Variants in MYO16 observed in about 807,000 individuals in gnomAD.
The protein encoded by MYO16 is unconventional myosin-XVI.
A neutral mutation model predicts 205.3 loss-of-function variants in MYO16; 94 were observed. That is an observed-to-expected ratio of 0.46 (90% CI 0.39 to 0.54). The LOEUF is 0.54. Among genes scored for constraint, MYO16 ranks in the 20% least tolerant of loss-of-function variants. The pLI, the probability that MYO16 is intolerant of heterozygous loss-of-function variation, is 0.00. For missense variants in MYO16, 2,315 were observed against 2,387.5 expected (o/e 0.97, Z 0.63); for synonymous variants, 988 against 954.0 (o/e 1.04, Z -0.66).
chr13:108,762,027 C>G (rs1212640946), intron 4 of MYO16, among the ~76,000 whole-genome samples: 1 of 152,140 alleles, frequency 6.6e-6, no homozygotes, highest in Non-Finnish European at 1.5e-5. Context: ...CCTCCAATGT[C>G]TATCATTCTG....
In MYO16 at chr13:109,141,158, G is replaced by A. The variant is rs551909025; in HGVS notation, c.4946G>A (p.Gly1649Glu). 11 of 1,605,256 alleles carry A rather than the reference G, an allele frequency of 6.9e-6. No individual in the cohort carries two copies. Among genetic ancestry groups the A allele is most frequent in the African/African-American group, 1.3e-5 (1 of 74,118 alleles). Residue 1649 changes from glycine to glutamate, a missense_variant, in exon 32 of 35, where the codon GGG (glycine) becomes GAG (glutamate). Gly to Glu is a moderately conservative substitution (Grantham distance 98). This residue lies in a region of MYO16 where 1,097 missense variants were observed against 1,092.0 expected (regional missense o/e 1.00). Transcript: ENST00000457511. The surrounding 1 kb of genome is among the most constrained non-coding windows in gnomAD (Gnocchi z 4.1). The stretch of plus-strand genomic sequence containing the variant: ...AAGCCAAACTCTGCCCCCGTGGCCG[G>A]GCCCTGCAGCTCCTTCCCCAAGATC... Reference protein sequence around the residue: ...HPKPNSAPVAGPCSSFPKIPY... With the variant: ...HPKPNSAPVAEPCSSFPKIPY...
rs541461515 is a variant in MYO16, at chr13:108,762,789, A to G, written c.508-22846A>G. 3.9e-5 allele frequency among the ~76,000 whole-genome samples: 6 copies of G among 152,330 alleles called. 1 individual carries two copies. Among genetic ancestry groups the G allele is most frequent in the African/African-American group, 1.4e-4 (6 of 41,572 alleles). ...TTTAAAGAGAGACTTGAACTGTCCC[A>G]GTTAAAACAATGTTTAGGGGCTAGG... On this transcript the variant is annotated intron_variant, in intron 4 of 34. Transcript: ENST00000457511.
chr13:109,124,070 C>T (rs1035163934), intron 29 of MYO16, among the ~76,000 whole-genome samples: 2 of 152,182 alleles, frequency 1.3e-5, no homozygotes, highest in African/African-American at 4.8e-5. Context: ...GTCCACTTCA[C>T]CCATGAGAAG....
intron 24 of MYO16, among the ~76,000 whole-genome samples, chr13:109,049,830 C>T (rs988513696): frequency 6.6e-6 from 1 of 151,812 alleles, no homozygotes; most frequent in South Asian, 2.1e-4. Flanking sequence ...GTATCCTCTT[C>T]CCAGATTCAT....
chr13:109,078,463 A>G (rs745504354), intron 27 of MYO16, among the ~76,000 whole-genome samples: 6 of 152,094 alleles, frequency 3.9e-5, no homozygotes, highest in Non-Finnish European at 8.8e-5. Flanking sequence ...TGTCTTTAAC[A>G]TATTTAGTTT....
chr13:108,721,487 G>A lies in MYO16; in HGVS notation c.364-5953G>A, dbSNP rs543460010. 2.0e-5 allele frequency among the ~76,000 whole-genome samples: 3 copies of A among 152,234 alleles called. No individual in the cohort carries two copies. The South Asian group carries it at 6.2e-4, about 32-fold the overall frequency. On this transcript the variant is annotated intron_variant, in intron 3 of 34. Transcript: ENST00000457511. ...CTTCCTCTGTTGATAGTGTTCAGGA[G>A]GGATGACATTTTGGGGATCTTATGT...
At chr13:108,804,368 GC>G (rs1437136096) in intron 6 of MYO16, among the ~76,000 whole-genome samples, 2 of 152,166 alleles carry the variant, frequency 1.3e-5, no homozygotes, top group Non-Finnish European at 2.9e-5. Context: ...TTCTCACAGG[GC>G]CCTTAAAGTA....
intron 20 of MYO16, among the ~76,000 whole-genome samples, chr13:108,971,220 C>G (rs1036117193): frequency 1.6e-4 from 24 of 151,928 alleles, no homozygotes; most frequent in African/African-American, 5.8e-4. Flanking sequence ...CAGGGTTTTG[C>G]AAGCACATAG....
intron 23 of MYO16, among the ~76,000 whole-genome samples, chr13:109,046,242 T>C (rs1234414221): frequency 1.3e-5 from 2 of 152,206 alleles, no homozygotes; most frequent in African/African-American, 4.8e-5. Context: ...GTAAGCCTTT[T>C]AAAGAATGTA....
At position 109,070,249 on chromosome 13, in the gene MYO16, G is replaced by A. The variant is rs116848676; in HGVS notation, c.3335+14654G>A. ...GCTCCATCTTCCCATAAGTCTCATT[G>A]GATTTCATCACCAGGATTCTGTATT... On this transcript the variant is annotated intron_variant, in intron 27 of 34. Transcript: ENST00000457511. 6.6e-3 allele frequency among the ~76,000 whole-genome samples: 998 copies of A among 152,194 alleles called. 6 individuals are homozygous for A. The highest frequency in any genetic ancestry group is 0.011 in the Non-Finnish European group (742 of 68,004).
chr13:109,190,636 T>C (rs1181165383), intron 34 of MYO16, among the ~76,000 whole-genome samples: 1 of 152,202 alleles, frequency 6.6e-6, no homozygotes, highest in Non-Finnish European at 1.5e-5. Context: ...TAAAAATGTA[T>C]CAATAAACTT....
At chr13:108,746,269 T>G (rs149039093) in intron 4 of MYO16, among the ~76,000 whole-genome samples, 103 of 152,246 alleles carry the variant, frequency 6.8e-4, no homozygotes, top group African/African-American at 2.4e-3. Context: ...GGCTCCTCAG[T>G]AGACTGGACA....
At position 108,820,425 on chromosome 13, in the gene MYO16, C is replaced by T; in HGVS notation, c.943+13C>T. ...GAGAAGGCGTCAGGTAGGTTAGGAG[C>T]ATCCTTGGACCATTGAGCAGGTACT... is the stretch of plus-strand genomic sequence containing the variant. On this transcript the variant is annotated intron_variant, in intron 8 of 34. Coordinates refer to ENST00000457511, the MANE Select transcript of MYO16 (RefSeq NM_001198950.3). 6.3e-7 allele frequency: 1 copy of T among 1,592,526 alleles called. No homozygotes were observed.
intron 10 of MYO16, among the ~76,000 whole-genome samples, chr13:108,853,623 G>A (rs1210977271): frequency 1.4e-5 from 2 of 147,590 alleles, no homozygotes; most frequent in African/African-American, 5.0e-5. Flanking sequence ...TTGAGACAGG[G>A]CCTAGCTCTG....
intron 34 of MYO16, among the ~76,000 whole-genome samples, chr13:109,180,634 G>C (rs747823944): frequency 5.9e-5 from 9 of 152,178 alleles, no homozygotes; most frequent in Admixed American, 1.3e-4. Flanking sequence ...TATCAGCTGA[G>C]ATTTTTCTAA....
chr13:108,721,755 A>T (rs530587527), intron 3 of MYO16, among the ~76,000 whole-genome samples: 40 of 151,740 alleles, frequency 2.6e-4, no homozygotes, highest in Admixed American at 1.6e-3. Flanking sequence ...GTGGAAGAAT[A>T]AGTTTCCCTA....
At chr13:108,781,668 G>A (rs1566325070) in intron 4 of MYO16, among the ~76,000 whole-genome samples, 2 of 151,892 alleles carry the variant, frequency 1.3e-5, no homozygotes, top group African/African-American at 4.8e-5. Context: ...GCCTGATATG[G>A]TTTGCCTGTG....
chr13:108,809,390 T>C (rs930801909), intron 7 of MYO16, among the ~76,000 whole-genome samples: 1 of 152,190 alleles, frequency 6.6e-6, no homozygotes, highest in African/African-American at 2.4e-5. Context: ...GGGTAATTTA[T>C]AAAGAAAGCA....
intron 12 of MYO16, among the ~76,000 whole-genome samples, chr13:108,879,514 C>G (rs1192131832): frequency 1.3e-5 from 2 of 152,106 alleles, no homozygotes; most frequent in East Asian, 3.9e-4. Context: ...CCTCCCCACT[C>G]CCCCAACCCC....
Sources: allele counts gnomAD v4.1 joint callset (sites outside exome capture counted in the v4.1 genomes callset), GRCh38; gene constraint gnomAD v4.1.1; regional missense constraint gnomAD v4.1.1; non-coding constraint Gnocchi (gnomAD v3.1); transcripts MANE v1.5; gene names NCBI Gene and HGNC (gene_info 2026-07-23, HGNC 2026-07-21).